The following TRIM14 variants were observed in gnomAD, a reference collection of about 807,000 sequenced individuals.
TRIM14 encodes tripartite motif-containing protein 14.
A neutral mutation model predicts 44.5 loss-of-function variants in TRIM14; 28 were observed. The ratio of observed to expected loss-of-function variants is 0.63; its 90% CI spans 0.47 to 0.86. TRIM14 has a LOEUF of 0.86. TRIM14 is among the 40% of genes least tolerant of loss of function. The probability of loss-of-function intolerance (pLI) is 0.00; values close to 1 mark genes in which losing one functional copy is unlikely to be tolerated. For synonymous variants in TRIM14, 299 were observed against 269.2 expected (o/e 1.11, Z -1.08); for missense variants, 607 against 611.1 (o/e 0.99, Z 0.07).
downstream of TRIM14, among the ~76,000 whole-genome samples, chr9:98,083,927 C>CTT (rs1415341134): frequency 3.9e-5 from 6 of 152,164 alleles, no homozygotes; most frequent in African/African-American, 1.2e-4. Flanking sequence ...TAAGTGAGAA[C>CTT]TTTAATGAGT....
At chr9:98,089,133 AT>A (rs1290021625) in intron 5 of TRIM14, among the ~76,000 whole-genome samples, 1 of 151,980 alleles carries the variant, frequency 6.6e-6, no homozygotes, top group Non-Finnish European at 1.5e-5. Context: ...TATTTTTAAG[AT>A]TTTCCCCCTT....
downstream of TRIM14, among the ~76,000 whole-genome samples, chr9:98,080,509 A>C (rs1291781376): frequency 1.3e-5 from 2 of 152,242 alleles, no homozygotes; most frequent in Non-Finnish European, 2.9e-5. Flanking sequence ...ACATTCATTT[A>C]TAGTTCTGTT....
At chr9:98,079,664 G>A (rs1829761478), downstream of TRIM14, among the ~76,000 whole-genome samples, 4 of 152,130 alleles carry the variant, frequency 2.6e-5, no homozygotes, top group South Asian at 8.3e-4. Context: ...CAGAGATTCC[G>A]ATAATTAACA....
At chr9:98,082,047 T>C (rs1829888598), downstream of TRIM14, 2 of 152,178 alleles carry the variant, frequency 1.3e-5, no homozygotes, top group Non-Finnish European at 2.9e-5. Context: ...CAAGCAGAAT[T>C]GATTCCTTGT....
intron 3 of TRIM14, among the ~76,000 whole-genome samples, chr9:98,098,439 C>T (rs185230214): frequency 4.5e-4 from 69 of 152,002 alleles, no homozygotes; most frequent in Admixed American, 3.1e-3. Flanking sequence ...CGGCCGGGTG[C>T]GGTGGCTCAC....
At position 98,084,546 on chromosome 9, in the gene TRIM14, T is replaced by C. The variant is rs538468237; in HGVS notation, c.*2924A>G. On this transcript the variant is annotated 3_prime_UTR_variant, in exon 6 of 6. Coordinates refer to ENST00000341469, the MANE Select transcript of TRIM14 (RefSeq NM_014788.4). ...AAGCCTCATTCCTGTGCTGAGAATATTCTAGTAGCTCCTGCTGCTGCCACA... is the reference window on the plus strand; with the variant it reads ...AAGCCTCATTCCTGTGCTGAGAATACTCTAGTAGCTCCTGCTGCTGCCACA... 2 of 152,330 alleles carry C rather than the reference T, an allele frequency of 1.3e-5. No individual in the cohort carries two copies. Among genetic ancestry groups the C allele is most frequent in the East Asian group, 1.9e-4 (1 of 5,188 alleles). The allele number at this position is 152,330 out of a possible 1,614,324, so 9.4% of individuals were successfully genotyped here.
intron 6 of TRIM14, chr9:98,075,419 AGAGG>A (rs1829543008): frequency 7.9e-6 from 1 of 126,106 alleles, no homozygotes; most frequent in African/African-American, 3.0e-5. Context: ...GGAAAGGGAG[AGAGG>A]GAGGGAAGGA....
the TRIM14 span, among the ~76,000 whole-genome samples, chr9:98,056,202 C>G: frequency 6.6e-6 from 1 of 152,124 alleles, no homozygotes; most frequent in Non-Finnish European, 1.5e-5. Flanking sequence ...TACTACAAGC[C>G]AAGTATTGTG....
At chr9:98,114,227 A>AT (rs1338639657) in intron 1 of TRIM14, among the ~76,000 whole-genome samples, 1 of 152,252 alleles carries the variant, frequency 6.6e-6, no homozygotes, top group Non-Finnish European at 1.5e-5. Context: ...TCAGTATATC[A>AT]TTATCATAAT....
At chr9:98,107,316 T>C (rs1186236168) in intron 2 of TRIM14, among the ~76,000 whole-genome samples, 1 of 152,166 alleles carries the variant, frequency 6.6e-6, no homozygotes, top group Non-Finnish European at 1.5e-5. Context: ...AAAACTTATG[T>C]CCGCACAGAA....
downstream of TRIM14, chr9:98,080,917 G>A (rs375894686): frequency 1.2e-6 from 2 of 1,614,230 alleles, no homozygotes. Context: ...CCAAGGTGTT[G>A]GAACGTCACA....
chr9:98,046,967 C>G, the TRIM14 span, among the ~76,000 whole-genome samples: 10 of 152,240 alleles, frequency 6.6e-5, no homozygotes, highest in South Asian at 1.2e-3. Flanking sequence ...GGAAAAGGTC[C>G]CTTTGTGACC....
chr9:98,083,083 A>G, downstream of TRIM14: 2 of 1,606,126 alleles, frequency 1.2e-6, no homozygotes, highest in Non-Finnish European at 1.7e-6. Context: ...CTGAATTCTC[A>G]GTTCCCTTGC....
chr9:98,076,937 A>G lies in TRIM14; in HGVS notation c.*29-7250T>C, dbSNP rs201197466. 1.9e-6 allele frequency: 3 copies of G among 1,612,180 alleles called. No homozygotes were observed. In the African/African-American group the frequency reaches 4.0e-5, roughly 22 times the overall value. ...TTGTAGATGGCAGTTGAATTCCTGCATGAACTGAATGTTCCATTTTTCAAA... is the reference window on the plus strand; with the variant it reads ...TTGTAGATGGCAGTTGAATTCCTGCGTGAACTGAATGTTCCATTTTTCAAA... On this transcript the variant is annotated intron_variant, in intron 6 of 6. Transcript: ENST00000375098.
At chr9:98,110,054 G>C in intron 1 of TRIM14, 70 bp from the exon 2 acceptor site, 1 of 1,175,954 alleles carries the variant, frequency 8.5e-7, no homozygotes, top group Non-Finnish European at 1.3e-6. Flanking sequence ...CCCCACAGGG[G>C]TCACCTCCTC....
chr9:98,077,389 T>A lies in TRIM14; in HGVS notation c.*29-7702A>T, dbSNP rs540566107. Reference sequence around the variant, plus strand: ...CTTTTTAAGAATTTTTTTTTTTTTTTAATAGAGACAAGGTCTGTCTATGTT... The same window carrying A: ...CTTTTTAAGAATTTTTTTTTTTTTTAAATAGAGACAAGGTCTGTCTATGTT... On this transcript the variant is annotated intron_variant, in intron 6 of 6. Transcript: ENST00000375098. Among the ~76,000 whole-genome samples, 405 of 151,216 alleles carry A rather than the reference T, an allele frequency of 2.7e-3. 3 individuals are homozygous for A. Among genetic ancestry groups the A allele is most frequent in the African/African-American group, 9.6e-3 (393 of 41,086 alleles).
intron 4 of TRIM14, among the ~76,000 whole-genome samples, chr9:98,094,437 G>T (rs959250648): frequency 2.0e-5 from 3 of 152,156 alleles, no homozygotes; most frequent in African/African-American, 7.2e-5. Context: ...AGGGAGAGGG[G>T]AGATGGCTAA....
At chr9:98,039,257 C>A in the TRIM14 span, among the ~76,000 whole-genome samples, 1 of 152,064 alleles carries the variant, frequency 6.6e-6, no homozygotes, top group Admixed American at 6.5e-5. Context: ...CTCAAGCAAT[C>A]TTCCTGCCTC....
At chr9:98,110,458 C>T (rs1826804532) in intron 1 of TRIM14, among the ~76,000 whole-genome samples, 1 of 152,144 alleles carries the variant, frequency 6.6e-6, no homozygotes. Context: ...GTTCATGCTT[C>T]CTGCTCTTCC....
Sources: allele counts gnomAD v4.1 joint callset (sites outside exome capture counted in the v4.1 genomes callset), GRCh38; gene constraint gnomAD v4.1.1; transcripts MANE v1.5; gene names NCBI Gene and HGNC (gene_info 2026-07-23, HGNC 2026-07-21).